The following WASHC4 variants were observed in gnomAD, a reference collection of about 807,000 sequenced individuals.
WASHC4 encodes the protein WASH complex subunit 7.
Under a neutral mutation model 166.6 loss-of-function variants are expected in WASHC4, and 86 were observed. The ratio of observed to expected loss-of-function variants is 0.52; its 90% CI spans 0.43 to 0.62. WASHC4 has a LOEUF of 0.62. Among genes scored for constraint, WASHC4 ranks in the 20% least tolerant of loss-of-function variants. The pLI, the probability that WASHC4 is intolerant of heterozygous loss-of-function variation, is 0.00. For synonymous variants in WASHC4, 446 were observed against 451.6 expected (o/e 0.99, Z 0.16); for missense variants, 1,262 against 1,382.4 (o/e 0.91, Z 1.38).
In WASHC4 at chr12:105,164,092, G is replaced by GT; in HGVS notation, c.3158-15dup. 1 of 1,613,090 alleles carries GT rather than the reference G, an allele frequency of 6.2e-7. No individual in the cohort carries two copies. Among genetic ancestry groups the GT allele is most frequent in the Non-Finnish European group, 8.5e-7 (1 of 1,179,132 alleles). ...CTGTACTCACTGTAATTTAACCTTA[G>GT]TTTTGCTTATGCCTGCAGGTGTGGC... On this transcript the variant is annotated intron_variant, in intron 30 of 32. Coordinates refer to ENST00000332180, the MANE Select transcript of WASHC4 (RefSeq NM_015275.3).
intron 8 of WASHC4, 52 bp downstream of exon 8, chr12:105,120,649 CT>C (rs539704920): frequency 1.9e-4 from 243 of 1,303,870 alleles, no homozygotes; most frequent in Middle Eastern, 1.5e-3. Context: ...CTATATTTTA[CT>C]TTGGAGTTTG....
intron 25 of WASHC4, 39 bp downstream of exon 25, chr12:105,149,788 A>G (rs371724581): frequency 3.5e-5 from 54 of 1,565,128 alleles, no homozygotes; most frequent in Admixed American, 2.5e-4. Context: ...TGATTAAGCT[A>G]TTGAGTATAT....
At position 105,114,004 on chromosome 12, in the gene WASHC4, A is replaced by G. The variant is rs567014951; in HGVS notation, c.202-212A>G. Among the ~76,000 whole-genome samples the G allele has an allele frequency of 9.8e-4, 149 of 152,092 alleles. 1 individual carries two copies. The highest frequency in any genetic ancestry group is 2.1e-4 in the Non-Finnish European group (14 of 67,882). ...TCAGCCACCTTATGCTCCATAGGAC[A>G]AGTAGAGTCGTGATTGTGTCATGTT... On this transcript the variant is annotated intron_variant, in intron 2 of 32. Coordinates refer to ENST00000332180, the MANE Select transcript of WASHC4 (RefSeq NM_015275.3).
At chr12:105,110,776 A>G (rs1368097550) in intron 1 of WASHC4, among the ~76,000 whole-genome samples, 3 of 152,202 alleles carry the variant, frequency 2.0e-5, no homozygotes, top group Admixed American at 2.0e-4. Flanking sequence ...AGAGTTGTTC[A>G]TGACTAAAAG....
chr12:105,140,984 G>A lies in WASHC4; in HGVS notation c.1646G>A (p.Gly549Glu). The change falls in exon 17 of 33, where the codon GGA (glycine) becomes GAA (glutamate). Residue 549 changes from glycine to glutamate, a missense_variant. Transcript: ENST00000332180. ...ALVLAENTLN[G>E]PSTKQRRLIV... ...GTTTTGGCTGAAAACACTCTAAATG[G>A]ACCAAGCACAAAGCAACGGCGACTT... is the stretch of plus-strand genomic sequence containing the variant. 1 of 1,614,112 alleles carries A rather than the reference G, an allele frequency of 6.2e-7. No homozygotes were observed. The highest frequency in any genetic ancestry group is 8.5e-7 in the Non-Finnish European group (1 of 1,180,012).
chr12:105,154,563 T>C lies in WASHC4; in HGVS notation c.2758+2112T>C, dbSNP rs1175396805. On this transcript the variant is annotated intron_variant, in intron 26 of 32. Transcript: ENST00000332180. ...ATCTTACCACAACATTTATGAAATA[T>C]TTCTTCCCTTCATTCACTGCACAGG... Among the ~76,000 whole-genome samples the C allele has an allele frequency of 2.6e-5, 4 of 152,224 alleles. No individual in the cohort carries two copies. The South Asian group carries it at 6.2e-4, about 24-fold the overall frequency.
In WASHC4 at chr12:105,130,657, G is replaced by C. The variant is rs149659047; in HGVS notation, c.1200-3113G>C. Among the ~76,000 whole-genome samples the C allele has an allele frequency of 3.5e-4, 54 of 152,302 alleles. 1 individual carries two copies. In the East Asian group the frequency reaches 9.8e-3, roughly 28 times the overall value. On this transcript the variant is annotated intron_variant, in intron 13 of 32. Transcript: ENST00000332180. ...AGGTGTCCCAAGGTCAGGCTTCAGA[G>C]TTTATGTAAGTGAGTAGGGAGCAAT...
In WASHC4 at chr12:105,115,680, G is replaced by A. The variant is rs749712143; in HGVS notation, c.387G>A (p.Val129=). Reference sequence around the variant, plus strand: ...TTACAGCTACAGATGCCAGCATGGTGGAAGGTGATTGCCAAATTCAAATGG... The same window carrying A: ...TTACAGCTACAGATGCCAGCATGGTAGAAGGTGATTGCCAAATTCAAATGG... The part of the protein sequence containing the change: ...YGEGATDASM[V]EGDCQIQMGR... The change falls in exon 6 of 33, where the codon GTG becomes GTA. Residue 129 remains valine (V), a synonymous_variant. Transcript: ENST00000332180. The A allele has an allele frequency of 3.7e-6, 6 of 1,610,054 alleles. No individual in the cohort carries two copies. Among genetic ancestry groups the A allele is most frequent in the South Asian group, 2.2e-5 (2 of 90,974 alleles).
intron 13 of WASHC4, among the ~76,000 whole-genome samples, chr12:105,133,110 ACTC>A (rs1882008971): frequency 6.6e-6 from 1 of 151,412 alleles, no homozygotes; most frequent in African/African-American, 2.4e-5. Context: ...CAAAATCCCT[ACTC>A]CTTGTAAGGC....
chr12:105,141,846 AT>A (rs1171640283), intron 18 of WASHC4, among the ~76,000 whole-genome samples: 1 of 151,944 alleles, frequency 6.6e-6, no homozygotes, highest in African/African-American at 2.4e-5. Flanking sequence ...AGAAGCTGAC[AT>A]TTTTCTTGTT....
At position 105,167,074 on chromosome 12, in the gene WASHC4, T is replaced by C; in HGVS notation, c.*143T>C. ...GTTACAGTTCTTAAAGGCAGTGCTTTAAAGTGAAGTTCATTCTGTTTCCAA... is the reference window on the plus strand; with the variant it reads ...GTTACAGTTCTTAAAGGCAGTGCTTCAAAGTGAAGTTCATTCTGTTTCCAA... On this transcript the variant is annotated 3_prime_UTR_variant, in exon 33 of 33. Coordinates refer to ENST00000332180, the MANE Select transcript of WASHC4 (RefSeq NM_015275.3). 1 of 662,028 alleles carries C rather than the reference T, an allele frequency of 1.5e-6. No homozygotes were observed. The highest frequency in any genetic ancestry group is 2.7e-6 in the Non-Finnish European group (1 of 364,940). 41.0% of individuals were successfully genotyped at this position (662,028 alleles called of 1,614,324 possible). A position where few individuals can be genotyped will look rare whatever the true frequency, so the allele number is the denominator to read the frequency against.
chr12:105,121,243 G>T, intron 9 of WASHC4, 39 bp downstream of exon 9: 2 of 1,251,056 alleles, frequency 1.6e-6, no homozygotes, highest in South Asian at 1.2e-5. Flanking sequence ...TTCTTACTTT[G>T]GTTAATGTAT....
At chr12:105,144,652 T>C in intron 21 of WASHC4, 66 bp from the exon 22 acceptor site, 1 of 1,445,946 alleles carries the variant, frequency 6.9e-7, no homozygotes, top group South Asian at 1.2e-5. Flanking sequence ...TGTTGTTTTT[T>C]CCTTTTAGGT....
chr12:105,130,893 G>A (rs1358210782), intron 13 of WASHC4, among the ~76,000 whole-genome samples: 5 of 152,272 alleles, frequency 3.3e-5, no homozygotes, highest in South Asian at 4.1e-4. Flanking sequence ...ACATATAGGC[G>A]TTGACACTGT....
chr12:105,121,421 C>T (rs561397098), intron 9 of WASHC4, among the ~76,000 whole-genome samples: 1 of 152,238 alleles, frequency 6.6e-6, no homozygotes, highest in African/African-American at 2.4e-5. Flanking sequence ...ATAAAGCATC[C>T]TAATTCTTAT....
chr12:105,153,327 T>C (rs1249323342), intron 26 of WASHC4, among the ~76,000 whole-genome samples: 1 of 152,210 alleles, frequency 6.6e-6, no homozygotes, highest in African/African-American at 2.4e-5. Flanking sequence ...CAGGAGACTT[T>C]AGGTTTACTA....
At chr12:105,115,774 GA>G in intron 6 of WASHC4, 46 bp downstream of exon 6, 1 of 1,224,098 alleles carries the variant, frequency 8.2e-7, no homozygotes, top group Non-Finnish European at 1.2e-6. Context: ...CAAAAAGTTT[GA>G]GTAAATTACA....
chr12:105,149,793 G>A, intron 25 of WASHC4, 44 bp downstream of exon 25: 1 of 1,545,500 alleles, frequency 6.5e-7, no homozygotes, highest in Non-Finnish European at 8.8e-7. Flanking sequence ...AAGCTATTGA[G>A]TATATGGCAA....
At chr12:105,156,903 T>G (rs966950830) in intron 27 of WASHC4, 111 bp downstream of exon 27, 1 of 868,182 alleles carries the variant, frequency 1.2e-6, no homozygotes, top group African/African-American at 1.7e-5. Flanking sequence ...TTGATATATT[T>G]TGAGATAAAA....
Sources: gnomAD v4.1 joint callset for allele counts (sites outside exome capture counted in the v4.1 genomes callset) on GRCh38, gnomAD v4.1.1 for gene constraint, MANE v1.5 for transcripts, NCBI Gene and HGNC (gene_info 2026-07-23, HGNC 2026-07-21) for gene names.